The following NEB variants were observed in gnomAD, a reference collection of about 807,000 sequenced individuals.
NEB encodes nebulin.
Under a neutral mutation model 952.2 loss-of-function variants are expected in NEB, and 512 were observed. That is an observed-to-expected ratio of 0.54 (90% CI 0.50 to 0.58). The LOEUF is 0.58. Ranked by LOEUF, NEB falls within the 20% of genes least tolerant of loss-of-function variation. The pLI is 0.00. For missense variants in NEB, 8,428 were observed against 9,231.1 expected (o/e 0.91, Z 3.56); for synonymous variants, 2,900 against 3,149.8 (o/e 0.92, Z 2.66).
intron 65 of NEB, 132 bp downstream of exon 65, chr2:151,633,522 T>G: frequency 2.3e-6 from 3 of 1,280,322 alleles, no homozygotes; most frequent in Non-Finnish European, 3.1e-6. Context: ...AGCAATAAAA[T>G]TGTATTCTGA....
chr2:151,524,460 G>A, intron 152 of NEB, 45 bp from the exon 153 acceptor site: 2 of 1,609,116 alleles, frequency 1.2e-6, no homozygotes, highest in Non-Finnish European at 1.7e-6. Flanking sequence ...ATGGTTGCCT[G>A]GCATGCCTTG....
intron 124 of NEB, among the ~76,000 whole-genome samples, chr2:151,555,875 A>AAC (rs1215611269): frequency 6.6e-6 from 1 of 151,500 alleles, no homozygotes; most frequent in African/African-American, 2.4e-5. Flanking sequence ...CACCGTTAAA[A>AAC]AAAAAAAAAA....
rs1000521486 is a variant in NEB, at chr2:151,523,187, G to T, written c.22479+1124C>A. Among the ~76,000 whole-genome samples the T allele has an allele frequency of 6.6e-5, 10 of 151,840 alleles. No homozygotes were observed. The East Asian group carries it at 7.7e-4, about 12-fold the overall frequency. ...TAGAGATTCCACTGTTTTTTTGTTG[G>T]TGGTGGTGATCCCATATCTTAGTTT... On this transcript the variant is annotated intron_variant, in intron 153 of 181. Coordinates refer to ENST00000397345, the MANE Select transcript of NEB (RefSeq NM_001164508.2).
chr2:151,622,278 G>A (rs1213661322), intron 71 of NEB, among the ~76,000 whole-genome samples: 2 of 152,148 alleles, frequency 1.3e-5, no homozygotes, highest in South Asian at 2.1e-4. Context: ...ATGAGCCACT[G>A]CACCCAGCCA....
In NEB at chr2:151,664,789, G is replaced by A. The variant is rs2154175432; in HGVS notation, c.5313C>T (p.Leu1771=). The A allele has an allele frequency of 6.2e-7, 1 of 1,612,560 alleles. No individual in the cohort carries two copies. Among genetic ancestry groups the A allele is most frequent in the Non-Finnish European group, 8.5e-7 (1 of 1,179,054 alleles). The stretch of plus-strand genomic sequence containing the variant: ...TCATGGTGATTTGGTTTACTCTGGA[G>A]AGTAAAATATCCGGTGTGTCAGGCA... ...HVMPDTPDIL[L]SRVNQITMSD... Residue 1771 remains leucine (L), a synonymous_variant, in exon 43 of 182, where the codon CTC becomes CTT. Coordinates refer to ENST00000397345, the MANE Select transcript of NEB (RefSeq NM_001164508.2).
chr2:151,666,239 G>A lies in NEB; in HGVS notation c.4882C>T (p.Pro1628Ser), dbSNP rs2099215622. ...GCTGTCACACTGACCATATCCAGAGGTGTGTGGTACTTGGTCTTGCTGGCT... is the reference window on the plus strand; with the variant it reads ...GCTGTCACACTGACCATATCCAGAGATGTGTGGTACTTGGTCTTGCTGGCT... ...YEASKTKYHTPLDMVSVTAAK... is the reference protein window; with the variant it reads ...YEASKTKYHTSLDMVSVTAAK... Residue 1628 changes from proline (P) to serine (S), a missense_variant, in exon 41 of 182, where the codon CCT becomes TCT. Physicochemically the swap from Pro to Ser is moderately conservative, Grantham distance 74. Transcript: ENST00000397345. 3 of 1,613,948 alleles carry A rather than the reference G, an allele frequency of 1.9e-6. No homozygotes were observed. In the East Asian group the frequency reaches 6.7e-5, roughly 36 times the overall value.
chr2:151,692,710 C>T lies in NEB; in HGVS notation c.1897-348G>A, dbSNP rs989887147. ...TTTCGCTAGGTGCAGGGGCTCACAC[C>T]TGTCATCACAGCACTTTGGGAAGCC... is the stretch of plus-strand genomic sequence containing the variant. On this transcript the variant is annotated intron_variant, in intron 20 of 181. Transcript: ENST00000397345. 2.6e-5 allele frequency among the ~76,000 whole-genome samples: 4 copies of T among 152,160 alleles called. No homozygotes were observed. In the South Asian group the frequency reaches 6.2e-4, roughly 24 times the overall value.
intron 74 of NEB, 30 bp downstream of exon 74, chr2:151,618,245 G>T: frequency 6.3e-7 from 1 of 1,585,178 alleles, no homozygotes; most frequent in South Asian, 1.1e-5. Context: ...GGTAACTTTC[G>T]GTATCTAACA....
chr2:151,658,332 G>A (rs144867082), intron 47 of NEB, among the ~76,000 whole-genome samples: 1,914 of 152,142 alleles, frequency 0.013, 26 homozygotes, highest in Non-Finnish European at 0.02. Context: ...TCTCTATTAG[G>A]TTGTAAATAT....
intron 9 of NEB, among the ~76,000 whole-genome samples, chr2:151,720,934 C>A (rs1577708669): frequency 6.6e-6 from 1 of 152,244 alleles, no homozygotes; most frequent in East Asian, 1.9e-4. Context: ...CTAATTTATC[C>A]ATAGGATGCC....
chr2:151,525,403 A>T, intron 150 of NEB, 130 bp from the exon 151 acceptor site: 1 of 657,552 alleles, frequency 1.5e-6, no homozygotes, highest in East Asian at 2.7e-5. Context: ...CTTAGATAAG[A>T]CCCATATTCT....
intron 16 of NEB, 30 bp from the exon 17 acceptor site, chr2:151,696,765 T>G (rs1246611133): frequency 1.3e-6 from 2 of 1,558,072 alleles, no homozygotes; most frequent in Non-Finnish European, 1.8e-6. Context: ...TTTGGTTTAG[T>G]AGTATCACCT....
At chr2:151,713,931 G>C (rs148890765) in intron 10 of NEB, among the ~76,000 whole-genome samples, 2 of 152,268 alleles carry the variant, frequency 1.3e-5, no homozygotes, top group African/African-American at 4.8e-5. Flanking sequence ...TCTGAACTGG[G>C]AGCTGTAAGA....
intron 133 of NEB, 104 bp downstream of exon 133, chr2:151,547,325 C>T: frequency 1.2e-6 from 1 of 832,158 alleles, no homozygotes; most frequent in Non-Finnish European, 1.9e-6. Flanking sequence ...TTTAGAAGTG[C>T]TTATCAGAAA....
intron 169 of NEB, 26 bp downstream of exon 169, chr2:151,499,272 T>TAA: frequency 8.4e-7 from 1 of 1,185,328 alleles, no homozygotes. Context: ...TTTAAATAAT[T>TAA]AAAGGGATTT....
chr2:151,571,747 A>G (rs1421395108), intron 107 of NEB, among the ~76,000 whole-genome samples: 1 of 152,266 alleles, frequency 6.6e-6, no homozygotes, highest in Admixed American at 6.5e-5. Context: ...TGTATTAACA[A>G]ATAACAGAGA....
At position 151,678,013 on chromosome 2, in the gene NEB, A is replaced by G; in HGVS notation, c.3430T>C (p.Phe1144Leu). ...KSKYNTPHDM[F>L]NVVAAKKAQD... ...GCTTTCTTAGCCGCCACGACATTGA[A>G]CATATCATGGGGCGTGTTGTATTTG... The change falls in exon 33 of 182, where the codon TTC (phenylalanine) becomes CTC (leucine). Residue 1144 changes from phenylalanine to leucine, a missense_variant. Physicochemically the swap from Phe to Leu is conservative, Grantham distance 22. This residue lies in a region of NEB where 2,851 missense variants were observed against 2,791.5 expected (regional missense o/e 1.02). Transcript: ENST00000397345. 6.2e-7 allele frequency: 1 copy of G among 1,613,920 alleles called. No individual in the cohort carries two copies. Among genetic ancestry groups the G allele is most frequent in the Non-Finnish European group, 8.5e-7 (1 of 1,179,856 alleles).
At chr2:151,551,926 T>C (rs1161562280) in intron 128 of NEB, 81 bp from the exon 129 acceptor site, 7 of 978,394 alleles carry the variant, frequency 7.2e-6, no homozygotes, top group African/African-American at 1.6e-5. Flanking sequence ...GGTAGCCTGC[T>C]TCCCTTTGCC....
intron 181 of NEB, 84 bp from the exon 182 acceptor site, chr2:151,486,017 A>G: frequency 8.0e-6 from 11 of 1,379,606 alleles, no homozygotes; most frequent in Non-Finnish European, 1.1e-5. Context: ...ATCTCTCATG[A>G]CTGACTCCAC....
Sources: gnomAD v4.1 joint callset for allele counts (sites outside exome capture counted in the v4.1 genomes callset) on GRCh38, gnomAD v4.1.1 for gene constraint, gnomAD v4.1.1 regional missense constraint, MANE v1.5 for transcripts, NCBI Gene and HGNC (gene_info 2026-07-23, HGNC 2026-07-21) for gene names.